PIK3C2G: variants seen among roughly 807,000 people sequenced by gnomAD.
PIK3C2G encodes phosphatidylinositol-4-phosphate 3-kinase catalytic subunit type 2 gamma.
In PIK3C2G, 168 loss-of-function variants were observed where a neutral mutation model predicts 181.1. That is an observed-to-expected ratio of 0.93 (90% CI 0.82 to 1.05). PIK3C2G has a LOEUF of 1.05. Ranked by LOEUF, PIK3C2G falls within the 50% of genes least tolerant of loss-of-function variation. PIK3C2G has a pLI of 0.00. For missense variants in PIK3C2G, 1,869 were observed against 1,732.8 expected, an observed-to-expected ratio of 1.08 and a Z score of -1.40; for synonymous variants, 573 against 592.2, an observed-to-expected ratio of 0.97 and a Z score of 0.47.
chr12:18,520,718 A>T (rs1942858690), intron 24 of PIK3C2G, among the ~76,000 whole-genome samples: 1 of 152,010 alleles, frequency 6.6e-6, no homozygotes, highest in Admixed American at 6.6e-5. Flanking sequence ...TACTTCTGTC[A>T]ATTTTTCCAT....
chr12:18,553,587 C>A (rs772600896), intron 26 of PIK3C2G, among the ~76,000 whole-genome samples: 38 of 152,072 alleles, frequency 2.5e-4, no homozygotes, highest in Non-Finnish European at 4.9e-4. Context: ...AGACTTGAAA[C>A]CTCAACTTGG....
intron 24 of PIK3C2G, among the ~76,000 whole-genome samples, chr12:18,536,281 G>A (rs941920822): frequency 1.1e-4 from 17 of 152,018 alleles, no homozygotes; most frequent in Admixed American, 1.1e-3. Context: ...AGAACACTTG[G>A]CTGTTTGCAG....
intron 8 of PIK3C2G, among the ~76,000 whole-genome samples, chr12:18,334,318 A>G (rs1023051203): frequency 1.3e-5 from 2 of 152,180 alleles, no homozygotes; most frequent in African/African-American, 4.8e-5. Context: ...TTGAGTCAAA[A>G]GAACCTTTCT....
intron 24 of PIK3C2G, among the ~76,000 whole-genome samples, chr12:18,527,430 A>T (rs995007790): frequency 6.6e-6 from 1 of 152,204 alleles, no homozygotes; most frequent in African/African-American, 2.4e-5. Flanking sequence ...GATTATGCAC[A>T]TGGTAACTTT....
In PIK3C2G at chr12:18,465,310, T is replaced by C. The variant is rs75492644; in HGVS notation, c.2505-23139T>C. Among the ~76,000 whole-genome samples, 500 of 152,012 alleles carry C rather than the reference T, an allele frequency of 3.3e-3. 3 individuals are homozygous for C. Among genetic ancestry groups the C allele is most frequent in the African/African-American group, 0.012 (480 of 41,554 alleles). On this transcript the variant is annotated intron_variant, in intron 18 of 32. Coordinates refer to ENST00000538779, the MANE Select transcript of PIK3C2G (RefSeq NM_001288772.2). ...TGTTTCCTACTTTATATGTTATTGG[T>C]GTTAGGTATCAGAGTTCTATTTTAC...
intron 18 of PIK3C2G, among the ~76,000 whole-genome samples, chr12:18,434,660 A>T (rs1198199290): frequency 6.6e-6 from 1 of 152,178 alleles, no homozygotes; most frequent in African/African-American, 2.4e-5. Flanking sequence ...GTATGTATAT[A>T]TACAGAAGCA....
At chr12:18,558,604 C>T (rs1341228329) in intron 26 of PIK3C2G, among the ~76,000 whole-genome samples, 1 of 152,168 alleles carries the variant, frequency 6.6e-6, no homozygotes, top group Non-Finnish European at 1.5e-5. Flanking sequence ...GCTCATTAAA[C>T]ACTCTAGTCA....
In PIK3C2G at chr12:18,377,063, CA is replaced by C. The variant is rs763627411; in HGVS notation, c.1881-4702del. Among the ~76,000 whole-genome samples, 38 of 152,224 alleles carry C rather than the reference CA, an allele frequency of 2.5e-4. 1 individual carries two copies. Among genetic ancestry groups the C allele is most frequent in the Non-Finnish European group, 7.3e-5 (5 of 68,040 alleles). On this transcript the variant is annotated intron_variant, in intron 13 of 32. Transcript: ENST00000538779. ...GCCTTGCCTGGGCTCTACTCTTGCA[CA>C]TGAAACCTGTTAGACATAATAAAGT...
At chr12:18,349,364 A>G (rs1939993946) in intron 11 of PIK3C2G, among the ~76,000 whole-genome samples, 1 of 152,136 alleles carries the variant, frequency 6.6e-6, no homozygotes, top group African/African-American at 2.4e-5. Context: ...AGTCAAAAGG[A>G]CCATAATTAA....
chr12:18,521,717 G>A (rs1369546719), intron 24 of PIK3C2G, among the ~76,000 whole-genome samples: 1 of 152,230 alleles, frequency 6.6e-6, no homozygotes, highest in South Asian at 2.1e-4. Context: ...CTATCCCAGT[G>A]TCGACTGCCG....
chr12:18,282,105 T>C lies in PIK3C2G; in HGVS notation c.24T>C (p.Asp8=), dbSNP rs753898743. 1 of 1,601,432 alleles carries C rather than the reference T, an allele frequency of 6.2e-7. No individual in the cohort carries two copies. Among genetic ancestry groups the C allele is most frequent in the South Asian group, 1.1e-5 (1 of 89,484 alleles). The change falls in exon 2 of 33, where the codon GAT becomes GAC. Residue 8 remains aspartate, a synonymous_variant. Coordinates refer to ENST00000538779, the MANE Select transcript of PIK3C2G (RefSeq NM_001288772.2). ...AAATGGCATATTCTTGGCAAACGGA[T>C]CCAAATCCTAATGAATCACACGAAA... is the stretch of plus-strand genomic sequence containing the variant. MAYSWQT[D]PNPNESHEKQ...
At chr12:18,637,847 C>A (rs552519029) in intron 31 of PIK3C2G, among the ~76,000 whole-genome samples, 11 of 152,330 alleles carry the variant, frequency 7.2e-5, no homozygotes, top group Middle Eastern at 3.4e-3. Context: ...TACATTAAAT[C>A]AAGGCAGGTC....
At chr12:18,510,261 C>T (rs763673634) in intron 24 of PIK3C2G, among the ~76,000 whole-genome samples, 11 of 152,252 alleles carry the variant, frequency 7.2e-5, no homozygotes, top group Middle Eastern at 3.4e-3. Context: ...CCACAGTGCC[C>T]GACCTATCTT....
At chr12:18,392,849 C>A (rs1348769217) in intron 15 of PIK3C2G, among the ~76,000 whole-genome samples, 1 of 152,040 alleles carries the variant, frequency 6.6e-6, no homozygotes, top group Non-Finnish European at 1.5e-5. Context: ...ATTGACCTTG[C>A]ATAGTTTCTG....
At chr12:18,524,361 C>T in intron 24 of PIK3C2G, among the ~76,000 whole-genome samples, 1 of 152,126 alleles carries the variant, frequency 6.6e-6, no homozygotes, top group East Asian at 1.9e-4. Context: ...GTCTCAGCTT[C>T]ACTCTCAAGT....
At chr12:18,540,407 A>T (rs1944089536) in intron 25 of PIK3C2G, among the ~76,000 whole-genome samples, 1 of 151,872 alleles carries the variant, frequency 6.6e-6, no homozygotes. Flanking sequence ...GTGACACTAA[A>T]ATTATGCTGA....
chr12:18,580,240 A>G lies in PIK3C2G; in HGVS notation c.4011+13183A>G, dbSNP rs558621867. 6.6e-5 allele frequency among the ~76,000 whole-genome samples: 10 copies of G among 152,328 alleles called. No individual in the cohort carries two copies. The South Asian group carries it at 1.9e-3, about 28-fold the overall frequency. On this transcript the variant is annotated intron_variant, in intron 29 of 32. Transcript: ENST00000538779. ...GTACCCATATTTGAGGTTAGCTGAG[A>G]TATTCAAACAGCTGTTGTTTTTAAA... is the stretch of plus-strand genomic sequence containing the variant.
chr12:18,493,206 T>G (rs1361226701), intron 20 of PIK3C2G: 1 of 152,218 alleles, frequency 6.6e-6, no homozygotes, highest in African/African-American at 2.4e-5. Context: ...AGGCCTTCAT[T>G]CAAACTAAAT....
At chr12:18,572,659 T>G (rs1946017886) in intron 29 of PIK3C2G, among the ~76,000 whole-genome samples, 2 of 151,914 alleles carry the variant, frequency 1.3e-5, no homozygotes. Flanking sequence ...ACATTGTGAC[T>G]TCAAATATTG....
Sources: gnomAD v4.1 joint callset for allele counts (sites outside exome capture counted in the v4.1 genomes callset) on GRCh38, gnomAD v4.1.1 for gene constraint, MANE v1.5 for transcripts, NCBI Gene and HGNC (gene_info 2026-07-23, HGNC 2026-07-21) for gene names.